PCGF5: variants seen among roughly 807,000 people sequenced by gnomAD.
PCGF5 encodes the protein polycomb group ring finger 5.
PCGF5 carries 9 observed loss-of-function variants against 44.3 expected under a neutral mutation model. The observed-to-expected ratio is 0.20, with a 90% CI of 0.12 to 0.35. The LOEUF (loss-of-function observed/expected upper bound fraction) is 0.35, where lower values mean the gene tolerates loss of function less well. Ranked by LOEUF, PCGF5 falls within the 10% of genes least tolerant of loss-of-function variation. The probability of loss-of-function intolerance (pLI) is 1.00; values close to 1 mark genes in which losing one functional copy is unlikely to be tolerated. For synonymous variants in PCGF5, 95 were observed against 102.5 expected (o/e 0.93, Z 0.44); for missense variants, 146 against 305.3 (o/e 0.48, Z 3.89).
At chr10:91,235,562 G>T (rs1413324221) in intron 2 of PCGF5, among the ~76,000 whole-genome samples, 7 of 151,896 alleles carry the variant, frequency 4.6e-5, no homozygotes. Context: ...AAATTAGCCG[G>T]GCATGGTGGC....
intron 1 of PCGF5, among the ~76,000 whole-genome samples, chr10:91,221,350 GGGAAA>G (rs2133275337): frequency 6.6e-6 from 1 of 152,292 alleles, no homozygotes; most frequent in East Asian, 1.9e-4. Context: ...GCAAACCTGT[GGGAAA>G]GGCAAGGCAG....
In PCGF5 at chr10:91,167,267, A is replaced by G. The variant is rs539677948; in HGVS notation, c.-184+4186A>G. 1.5e-3 allele frequency among the ~76,000 whole-genome samples: 224 copies of G among 152,354 alleles called. 1 individual carries two copies. The highest frequency in any genetic ancestry group is 5.0e-3 in the African/African-American group (209 of 41,586). ...CAGCTTACTATATATATAAAGCAAT[A>G]TAAGAAGAATACTGGTTAATTAGAC... On this transcript the variant is annotated intron_variant, in intron 1 of 9. Transcript: ENST00000614189.
intron 1 of PCGF5, among the ~76,000 whole-genome samples, chr10:91,182,961 T>C (rs1325063791): frequency 1.3e-5 from 2 of 152,232 alleles, no homozygotes; most frequent in African/African-American, 4.8e-5. Flanking sequence ...TCTAATTTGA[T>C]TGTGCTGTGG....
intron 3 of PCGF5, among the ~76,000 whole-genome samples, chr10:91,244,005 A>G (rs560604057): frequency 5.9e-5 from 9 of 152,322 alleles, no homozygotes; most frequent in African/African-American, 2.2e-4. Flanking sequence ...GCACTATTCT[A>G]GGTGCTTGAG....
upstream of PCGF5, among the ~76,000 whole-genome samples, chr10:91,158,674 A>G (rs1440583403): frequency 6.6e-6 from 1 of 152,198 alleles, no homozygotes; most frequent in Non-Finnish European, 1.5e-5. Flanking sequence ...AAGAGGGACA[A>G]AGAAATTTGT....
upstream of PCGF5, chr10:91,220,350 C>G (rs1039819542): frequency 1.3e-5 from 2 of 152,190 alleles, no homozygotes; most frequent in Non-Finnish European, 2.9e-5. Context: ...CATCACTGAC[C>G]GTTGCTTTTA....
At position 91,222,804 on chromosome 10, in the gene PCGF5, A is replaced by G. The variant is rs1461646798; in HGVS notation, c.-68A>G. 4 of 888,818 alleles carry G rather than the reference A, an allele frequency of 4.5e-6. No homozygotes were observed. Among genetic ancestry groups the G allele is most frequent in the Non-Finnish European group, 7.4e-6 (4 of 540,944 alleles). 55.1% of individuals were successfully genotyped at this position (888,818 alleles called of 1,614,324 possible). ...TGGGAACGACACACCAGCTCCTGGG[A>G]TCAGACTTTCATCTACTTAGGACCC... is the stretch of plus-strand genomic sequence containing the variant. On this transcript the variant is annotated 5_prime_UTR_variant, in exon 2 of 10. Transcript: ENST00000336126.
chr10:91,206,475 G>A (rs902660428), intron 1 of PCGF5, among the ~76,000 whole-genome samples: 2 of 152,154 alleles, frequency 1.3e-5, no homozygotes, highest in African/African-American at 4.8e-5. Context: ...CAGAGTATGA[G>A]GAAGATATCA....
chr10:91,231,550 A>G (rs1211277650), intron 2 of PCGF5, among the ~76,000 whole-genome samples: 1 of 152,178 alleles, frequency 6.6e-6, no homozygotes, highest in Non-Finnish European at 1.5e-5. Flanking sequence ...AGTTGTTGAG[A>G]AATGACCTGA....
At chr10:91,180,156 TTGTC>T (rs541857692) in intron 1 of PCGF5, among the ~76,000 whole-genome samples, 9 of 152,140 alleles carry the variant, frequency 5.9e-5, no homozygotes, top group Non-Finnish European at 1.3e-4. Flanking sequence ...CTTTTGAAAT[TTGTC>T]TGTTCATGTT....
At chr10:91,252,861 T>G (rs1845653851) in intron 6 of PCGF5, among the ~76,000 whole-genome samples, 1 of 152,048 alleles carries the variant, frequency 6.6e-6, no homozygotes. Context: ...TTTTAGAAAT[T>G]TATTTGAAAA....
intron 2 of PCGF5, among the ~76,000 whole-genome samples, chr10:91,238,613 T>TC (rs1564645035): frequency 8.7e-4 from 96 of 110,370 alleles, no homozygotes; most frequent in African/African-American, 2.8e-3. Flanking sequence ...TTTTTTTTTT[T>TC]TTTTTTTTTT....
chr10:91,221,819 CAAAG>C (rs1204739989), intron 1 of PCGF5, among the ~76,000 whole-genome samples: 1 of 150,386 alleles, frequency 6.6e-6, no homozygotes, highest in East Asian at 1.9e-4. Flanking sequence ...TTTGGTCTAA[CAAAG>C]AAGGTAAAGA....
At chr10:91,217,793 T>C (rs1267200367), upstream of PCGF5, among the ~76,000 whole-genome samples, 1 of 152,218 alleles carries the variant, frequency 6.6e-6, no homozygotes, top group Non-Finnish European at 1.5e-5. Context: ...TTAATCTGTG[T>C]GTTTTTTCTT....
chr10:91,160,698 G>A (rs1356144693), upstream of PCGF5, among the ~76,000 whole-genome samples: 1 of 152,124 alleles, frequency 6.6e-6, no homozygotes. Context: ...GAGAGCCAGA[G>A]TACACAAGAC....
chr10:91,186,403 AT>A (rs1403014616), intron 1 of PCGF5, among the ~76,000 whole-genome samples: 1 of 152,204 alleles, frequency 6.6e-6, no homozygotes, highest in Non-Finnish European at 1.5e-5. Flanking sequence ...AAGCTGCATG[AT>A]TTCACAAGGT....
chr10:91,189,191 C>A (rs565202472), intron 1 of PCGF5, among the ~76,000 whole-genome samples: 1 of 152,318 alleles, frequency 6.6e-6, no homozygotes, highest in East Asian at 1.9e-4. Flanking sequence ...CTTTGCCTGG[C>A]AAAATCTTCT....
At chr10:91,276,037 G>T (rs1489410224) in intron 9 of PCGF5, among the ~76,000 whole-genome samples, 2 of 151,480 alleles carry the variant, frequency 1.3e-5, no homozygotes, top group African/African-American at 4.9e-5. Flanking sequence ...AAATAGGTTT[G>T]TGGAATTGCT....
At chr10:91,234,093 C>G (rs753514542) in intron 2 of PCGF5, among the ~76,000 whole-genome samples, 6 of 152,206 alleles carry the variant, frequency 3.9e-5, no homozygotes, top group Non-Finnish European at 8.8e-5. Flanking sequence ...ACCACACATA[C>G]ATCTAAGATA....
Sources: allele counts gnomAD v4.1 joint callset (sites outside exome capture counted in the v4.1 genomes callset), GRCh38; gene constraint gnomAD v4.1.1; transcripts MANE v1.5; gene names NCBI Gene and HGNC (gene_info 2026-07-23, HGNC 2026-07-21).